STK40: variants seen among roughly 807,000 people sequenced by gnomAD.
STK40 encodes serine/threonine-protein kinase 40.
In STK40, 13 loss-of-function variants were observed where a neutral mutation model predicts 47.9. The observed-to-expected ratio is 0.27, with a 90% CI of 0.18 to 0.43. The LOEUF (loss-of-function observed/expected upper bound fraction) is 0.43, where lower values mean the gene tolerates loss of function less well. STK40 is among the 20% of genes least tolerant of loss of function. The pLI is 1.00. For missense variants in STK40, 460 were observed against 595.1 expected (o/e 0.77, Z 2.36); for synonymous variants, 225 against 243.2 (o/e 0.93, Z 0.69).
chr1:36,346,156 G>A (rs900211371), intron 7 of STK40, among the ~76,000 whole-genome samples: 9 of 150,542 alleles, frequency 6.0e-5, no homozygotes, highest in South Asian at 4.2e-4. Context: ...CACCACGCCC[G>A]GCTAATTTTT....
At position 36,369,387 on chromosome 1, in the gene STK40, T is replaced by C. The variant is rs190548126; in HGVS notation, c.-8-8047A>G. Among the ~76,000 whole-genome samples the C allele has an allele frequency of 1.6e-4, 24 of 152,250 alleles. No individual in the cohort carries two copies. The East Asian group carries it at 4.2e-3, about 27-fold the overall frequency. ...AGGAGGCTGCCGTCTCTCTGCCTGC[T>C]GTGGAGGTCCTCCAAGGGCTCCATG... is the stretch of plus-strand genomic sequence containing the variant. On this transcript the variant is annotated intron_variant, in intron 1 of 10. Coordinates refer to ENST00000373132, the MANE Select transcript of STK40 (RefSeq NM_001282547.2).
intron 7 of STK40, among the ~76,000 whole-genome samples, chr1:36,346,009 T>TTTTTTTTTTC (rs1436531127): frequency 4.1e-5 from 5 of 122,046 alleles, no homozygotes; most frequent in African/African-American, 1.9e-4. Flanking sequence ...TTTTTTTTTT[T>TTTTTTTTTTC]CCTGAGACAG....
At chr1:36,344,794 A>AC (rs1363295379) in intron 7 of STK40, among the ~76,000 whole-genome samples, 1 of 152,204 alleles carries the variant, frequency 6.6e-6, no homozygotes, top group Non-Finnish European at 1.5e-5. Context: ...CCCAGCACGG[A>AC]CCCAAGTATT....
At chr1:36,359,692 T>C (rs1288421493) in intron 2 of STK40, among the ~76,000 whole-genome samples, 1 of 152,232 alleles carries the variant, frequency 6.6e-6, no homozygotes, top group Admixed American at 6.5e-5. Context: ...GTTTTCCTTT[T>C]TACCAGTGCA....
chr1:36,341,873 CTCCGGGCG>C lies in STK40; in HGVS notation c.1182_1189del (p.Asp394GlufsTer68). ...GCCGAACTGCCGCTTGGGTACCCAG[CTCCGGGCG>C]TCATGGATGGAGCTCTTCTCCTCGG... On this transcript the variant is annotated frameshift_variant, in exon 11 of 11. Transcript: ENST00000373132. LOFTEE classifies it high-confidence loss of function. The C allele has an allele frequency of 6.2e-7, 1 of 1,614,002 alleles. No individual in the cohort carries two copies. Among genetic ancestry groups the C allele is most frequent in the Non-Finnish European group, 8.5e-7 (1 of 1,179,988 alleles).
At chr1:36,384,711 T>A (rs1388326524) in intron 1 of STK40, among the ~76,000 whole-genome samples, 1 of 152,208 alleles carries the variant, frequency 6.6e-6, no homozygotes, top group Non-Finnish European at 1.5e-5. Context: ...AATGAATGAA[T>A]GAATGAGGAC....
At chr1:36,376,976 T>G (rs977072190) in intron 1 of STK40, among the ~76,000 whole-genome samples, 4 of 151,810 alleles carry the variant, frequency 2.6e-5, no homozygotes, top group African/African-American at 9.7e-5. Context: ...TTTCACCATC[T>G]TGGCTAGGCT....
chr1:36,385,876 G>T lies in STK40; in HGVS notation c.-162C>A. ...AGCCACCCGAGCCGCCGCCGCCGCC[G>T]CCGCCGCCTCCCTCCATGGCTGCGG... On this transcript the variant is annotated 5_prime_UTR_variant, in exon 1 of 11. Coordinates refer to ENST00000373132, the MANE Select transcript of STK40 (RefSeq NM_001282547.2). 5.6e-6 allele frequency: 1 copy of T among 178,004 alleles called. No individual in the cohort carries two copies. The highest frequency in any genetic ancestry group is 1.1e-5 in the Non-Finnish European group (1 of 88,120). 11.0% of individuals were successfully genotyped at this position (178,004 alleles called of 1,614,324 possible). A position where few individuals can be genotyped will look rare whatever the true frequency, so the allele number is the denominator to read the frequency against.
chr1:36,382,853 A>C (rs1196733092), intron 1 of STK40, among the ~76,000 whole-genome samples: 3 of 152,224 alleles, frequency 2.0e-5, no homozygotes, highest in Non-Finnish European at 4.4e-5. Flanking sequence ...TATTGTCCCC[A>C]TTTTACAGAT....
chr1:36,358,611 G>T (rs1267056444), intron 3 of STK40, 126 bp downstream of exon 3: 4 of 1,176,918 alleles, frequency 3.4e-6, no homozygotes, highest in Non-Finnish European at 3.6e-6. Flanking sequence ...GAACTTGATT[G>T]CTTCTCGGGA....
Position 36,341,681 on chromosome 1 carries a change from C to A in STK40, c.*74G>T. 6.4e-7 allele frequency: 1 copy of A among 1,565,402 alleles called. No individual in the cohort carries two copies. Among genetic ancestry groups the A allele is most frequent in the Non-Finnish European group, 8.7e-7 (1 of 1,147,302 alleles). On this transcript the variant is annotated 3_prime_UTR_variant, in exon 11 of 11. Transcript: ENST00000373132. The stretch of plus-strand genomic sequence containing the variant: ...CCGGGAGAGTCCAGCACTACAGGGC[C>A]CAGCCCTGACAGCCACGCCTTTGGC...
chr1:36,373,480 T>G (rs1028100791), intron 1 of STK40, among the ~76,000 whole-genome samples: 1 of 152,204 alleles, frequency 6.6e-6, no homozygotes, highest in Non-Finnish European at 1.5e-5. Context: ...GCTTTTCCAC[T>G]GAGTCTGAAT....
rs1367090442 is a variant in STK40, at chr1:36,343,370, G to C, written c.1083C>G (p.Ser361=). Residue 361 remains serine (S), a synonymous_variant, in exon 10 of 11, where the codon TCC becomes TCG. Coordinates refer to ENST00000373132, the MANE Select transcript of STK40 (RefSeq NM_001282547.2). Reference sequence around the variant, plus strand: ...TCTGCCCTCCCCAACTCACCTCCTGGGAGCTATCCGCATTGCTCATTTGGT... The same window carrying C: ...TCTGCCCTCCCCAACTCACCTCCTGCGAGCTATCCGCATTGCTCATTTGGT... ...IDDQMSNADS[S]QEAKVTEECS... 1.2e-6 allele frequency: 2 copies of C among 1,612,614 alleles called. No individual in the cohort carries two copies. Among genetic ancestry groups the C allele is most frequent in the Non-Finnish European group, 1.7e-6 (2 of 1,179,320 alleles).
intron 1 of STK40, among the ~76,000 whole-genome samples, chr1:36,374,962 C>G (rs775845527): frequency 6.6e-6 from 1 of 152,162 alleles, no homozygotes; most frequent in Non-Finnish European, 1.5e-5. Context: ...GCCATGGGGT[C>G]CCATGTGGAG....
At chr1:36,371,434 G>C (rs1346444267) in intron 1 of STK40, among the ~76,000 whole-genome samples, 2 of 151,114 alleles carry the variant, frequency 1.3e-5, no homozygotes, top group African/African-American at 2.4e-5. Context: ...GGCGCCTGTA[G>C]TGCCAGCTAC....
rs764411712 is a variant in STK40 at position 36,344,149 on chromosome 1, C to T, written c.855G>A (p.Lys285=). 1.4e-5 allele frequency: 23 copies of T among 1,610,884 alleles called. No individual in the cohort carries two copies. In the South Asian group the frequency reaches 1.6e-4, roughly 12 times the overall value. The change falls in exon 8 of 11, where the codon AAG becomes AAA. Residue 285 remains lysine (K), a synonymous_variant. Transcript: ENST00000373132. The part of the protein sequence containing the change: ...YDSIPQELFR[K]IKAAEYTIPE... ...GAATGGTATACTCGGCAGCCTTGAT[C>T]TTGCGGAAGAGCTCCTGCGGGATGC...
At chr1:36,349,219 CAT>C (rs1407778196) in intron 6 of STK40, among the ~76,000 whole-genome samples, 2 of 152,214 alleles carry the variant, frequency 1.3e-5, no homozygotes, top group Admixed American at 6.5e-5. Flanking sequence ...CTCATTCACA[CAT>C]GAGGAAAAGG....
intron 1 of STK40, 27 bp downstream of exon 1, chr1:36,385,696 T>C: frequency 6.6e-6 from 1 of 150,856 alleles, no homozygotes; most frequent in Non-Finnish European, 1.5e-5. Context: ...CCCACCCGGC[T>C]CCCCGCTCCT....
At chr1:36,370,865 T>C (rs1267011004) in intron 1 of STK40, among the ~76,000 whole-genome samples, 1 of 151,884 alleles carries the variant, frequency 6.6e-6, no homozygotes, top group Non-Finnish European at 1.5e-5. Flanking sequence ...CCTGTGCATA[T>C]ACTCCCGTAC....
Sources: allele counts gnomAD v4.1 joint callset (sites outside exome capture counted in the v4.1 genomes callset), GRCh38; gene constraint gnomAD v4.1.1; transcripts MANE v1.5; gene names NCBI Gene and HGNC (gene_info 2026-07-23, HGNC 2026-07-21).